RBKS: variants seen among roughly 807,000 people sequenced by gnomAD.
RBKS encodes ribokinase.
Under a neutral mutation model 33.9 loss-of-function variants are expected in RBKS, and 33 were observed. The ratio of observed to expected loss-of-function variants is 0.97; its 90% CI spans 0.74 to 1.30. The LOEUF (loss-of-function observed/expected upper bound fraction) is 1.30. Ranked by LOEUF, RBKS falls within the 50% of genes most tolerant of loss-of-function variation. The pLI, the probability that RBKS is intolerant of heterozygous loss-of-function variation, is 0.00. For synonymous variants in RBKS, 125 were observed against 143.0 expected, an observed-to-expected ratio of 0.87 and a Z score of 0.90; for missense variants, 361 against 392.6, an observed-to-expected ratio of 0.92 and a Z score of 0.68.
chr2:27,839,674 T>C (rs1435632411), intron 5 of RBKS, among the ~76,000 whole-genome samples: 4 of 152,156 alleles, frequency 2.6e-5, no homozygotes, highest in Non-Finnish European at 1.5e-5. Flanking sequence ...AATGGAACTG[T>C]GATAAGAAAA....
At chr2:27,887,948 G>A (rs564668842) in intron 1 of RBKS, among the ~76,000 whole-genome samples, 12 of 152,044 alleles carry the variant, frequency 7.9e-5, no homozygotes, top group African/African-American at 1.4e-4. Flanking sequence ...AAACCCTGAC[G>A]GATGCTAAAA....
rs771372910 is a variant in RBKS, at chr2:27,781,391, C to T, written c.*224G>A. The stretch of plus-strand genomic sequence containing the variant: ...GAGGTTACTTGTCTTTATGTTTGTA[C>T]AGATCTTGGTTGTGGAATCTTTAAT... On this transcript the variant is annotated 3_prime_UTR_variant, in exon 8 of 8. Coordinates refer to ENST00000302188, the MANE Select transcript of RBKS (RefSeq NM_022128.3). 3.2e-5 allele frequency: 15 copies of T among 464,620 alleles called. No homozygotes were observed. The highest frequency in any genetic ancestry group is 7.8e-5 in the Admixed American group (2 of 25,698). 28.8% of individuals were successfully genotyped at this position (464,620 alleles called of 1,614,324 possible). A position where few individuals can be genotyped will look rare whatever the true frequency, so the allele number is the denominator to read the frequency against.
At chr2:27,801,340 C>T (rs1677776140) in intron 7 of RBKS, among the ~76,000 whole-genome samples, 1 of 152,062 alleles carries the variant, frequency 6.6e-6, no homozygotes, top group South Asian at 2.1e-4. Flanking sequence ...GCCTTCATTT[C>T]ATCCAGGGCA....
At chr2:27,832,867 G>T in intron 5 of RBKS, 90 bp from the exon 6 acceptor site, 1 of 841,872 alleles carries the variant, frequency 1.2e-6, no homozygotes, top group Non-Finnish European at 2.0e-6. Context: ...AAATCCCCGA[G>T]TTCGTTTTTG....
chr2:27,781,546 A>G lies in RBKS; in HGVS notation c.*69T>C, dbSNP rs879137611. ...GGGACGAGGACATTTTCTAATAAGC[A>G]TTAGCCAGGAGCAGCCACCCCCAAG... On this transcript the variant is annotated 3_prime_UTR_variant, in exon 8 of 8. Transcript: ENST00000302188. 7.9e-7 allele frequency: 1 copy of G among 1,271,856 alleles called. No homozygotes were observed. The highest frequency in any genetic ancestry group is 1.1e-6 in the Non-Finnish European group (1 of 927,180). 78.8% of individuals were successfully genotyped at this position (1,271,856 alleles called of 1,614,324 possible).
intron 1 of RBKS, among the ~76,000 whole-genome samples, chr2:27,869,390 T>G (rs1374403817): frequency 6.6e-6 from 1 of 152,200 alleles, no homozygotes; most frequent in East Asian, 1.9e-4. Flanking sequence ...GAGTGCAGTA[T>G]TCTTTATGTA....
chr2:27,858,649 G>T (rs1410354352), intron 1 of RBKS, 78 bp from the exon 2 acceptor site: 3 of 1,298,224 alleles, frequency 2.3e-6, no homozygotes, highest in East Asian at 2.3e-5. Context: ...GAGAGGGAAG[G>T]CTATATGGTA....
At chr2:27,879,980 A>C (rs950616452) in intron 1 of RBKS, among the ~76,000 whole-genome samples, 1 of 152,148 alleles carries the variant, frequency 6.6e-6, no homozygotes, top group Admixed American at 6.5e-5. Context: ...CTCCTCCCTA[A>C]CTCATTCTAT....
At chr2:27,833,497 G>A (rs1044964669) in intron 5 of RBKS, among the ~76,000 whole-genome samples, 1 of 152,210 alleles carries the variant, frequency 6.6e-6, no homozygotes, top group South Asian at 2.1e-4. Context: ...GCAGACACAG[G>A]GAAATGAGAA....
chr2:27,838,355 T>G (rs1663357262), intron 5 of RBKS, among the ~76,000 whole-genome samples: 1 of 152,204 alleles, frequency 6.6e-6, no homozygotes, highest in Admixed American at 6.5e-5. Flanking sequence ...CTATTCTCTG[T>G]ATGTCTATAT....
intron 7 of RBKS, among the ~76,000 whole-genome samples, chr2:27,801,960 AAAAATATATATATAT>A (rs1377301536): frequency 1.5e-5 from 1 of 68,854 alleles, no homozygotes; most frequent in African/African-American, 5.9e-5. Flanking sequence ...GAAAAAAAAA[AAAAATATATATATAT>A]ATATATATAT....
chr2:27,883,813 G>A (rs952489533), intron 1 of RBKS, among the ~76,000 whole-genome samples: 1 of 151,038 alleles, frequency 6.6e-6, no homozygotes, highest in Admixed American at 6.6e-5. Context: ...CTCCCACATC[G>A]GCCTCCCAAA....
chr2:27,875,627 G>A (rs1664297744), intron 1 of RBKS, among the ~76,000 whole-genome samples: 1 of 152,166 alleles, frequency 6.6e-6, no homozygotes, highest in South Asian at 2.1e-4. Context: ...TTTACCTAAG[G>A]AAACAGACAT....
intron 7 of RBKS, among the ~76,000 whole-genome samples, chr2:27,811,725 A>G (rs1256451531): frequency 6.6e-6 from 1 of 152,246 alleles, no homozygotes; most frequent in East Asian, 1.9e-4. Flanking sequence ...AGATTTTCCC[A>G]GAGTCCAAAA....
At chr2:27,836,072 G>C (rs1366212909) in intron 5 of RBKS, among the ~76,000 whole-genome samples, 6 of 152,022 alleles carry the variant, frequency 3.9e-5, no homozygotes, top group Non-Finnish European at 8.8e-5. Context: ...AAATTTGCCA[G>C]GCGTGGTGGC....
chr2:27,866,170 C>T (rs966865249), intron 1 of RBKS, among the ~76,000 whole-genome samples: 4 of 152,072 alleles, frequency 2.6e-5, no homozygotes, highest in Non-Finnish European at 5.9e-5. Flanking sequence ...TATCTTTCCC[C>T]TTTATATTGG....
At position 27,781,460 on chromosome 2, in the gene RBKS, G is replaced by A. The variant is rs557336137; in HGVS notation, c.*155C>T. ...ATGCATGGAAAGCAAAAGAATCATC[G>A]TTATAAATAAATTGAAGCTTGAGGA... On this transcript the variant is annotated 3_prime_UTR_variant, in exon 8 of 8. Transcript: ENST00000302188. 8.3e-6 allele frequency: 5 copies of A among 604,688 alleles called. No individual in the cohort carries two copies. The highest frequency in any genetic ancestry group is 3.4e-5 in the Admixed American group (1 of 29,400). 37.5% of individuals were successfully genotyped at this position (604,688 alleles called of 1,614,324 possible).
chr2:27,832,908 C>G (rs1347341868), intron 5 of RBKS, 131 bp from the exon 6 acceptor site: 2 of 646,904 alleles, frequency 3.1e-6, no homozygotes, highest in Admixed American at 4.8e-5. Context: ...CACTTAGTTA[C>G]GGATGTAGAG....
chr2:27,865,046 C>T (rs945752668), intron 1 of RBKS, among the ~76,000 whole-genome samples: 1 of 152,164 alleles, frequency 6.6e-6, no homozygotes, highest in Non-Finnish European at 1.5e-5. Context: ...TTAGGCCGGG[C>T]GCGACGGCTC....
Sources: allele counts gnomAD v4.1 joint callset (sites outside exome capture counted in the v4.1 genomes callset), GRCh38; gene constraint gnomAD v4.1.1; transcripts MANE v1.5; gene names NCBI Gene and HGNC (gene_info 2026-07-23, HGNC 2026-07-21).